STPG2: variants seen among roughly 807,000 people sequenced by gnomAD.
STPG2 encodes the protein sperm-tail PG-rich repeat-containing protein 2.
Under a neutral mutation model 54.2 loss-of-function variants are expected in STPG2, and 56 were observed. The ratio of observed to expected loss-of-function variants is 1.03; its 90% CI spans 0.83 to 1.29. The LOEUF is 1.29. Among genes scored for constraint, STPG2 ranks in the 50% most tolerant of loss-of-function variants. The pLI is 0.00. For synonymous variants in STPG2, 200 were observed against 181.8 expected (o/e 1.10, Z -0.81); for missense variants, 596 against 544.9 (o/e 1.09, Z -0.93).
intron 10 of STPG2, among the ~76,000 whole-genome samples, chr4:97,661,771 A>G (rs1311122318): frequency 6.6e-6 from 1 of 152,102 alleles, no homozygotes; most frequent in Non-Finnish European, 1.5e-5. Flanking sequence ...CTCTAGACTT[A>G]TGTTCCACAC....
rs1049365025 is a variant in STPG2, at chr4:97,688,524, G to A, written c.1320+24175C>T. Among the ~76,000 whole-genome samples the A allele has an allele frequency of 3.3e-5, 5 of 152,018 alleles. No homozygotes were observed. The East Asian group carries it at 5.8e-4, about 18-fold the overall frequency. On this transcript the variant is annotated intron_variant, in intron 10 of 10. Coordinates refer to ENST00000295268, the MANE Select transcript of STPG2 (RefSeq NM_174952.3). Reference sequence around the variant, plus strand: ...TGGGACTACAGGCACCCGCCACCATGCCCAGCTAATTTTTTTGTATTTTTA... The same window carrying A: ...TGGGACTACAGGCACCCGCCACCATACCCAGCTAATTTTTTTGTATTTTTA...
At chr4:97,614,493 AAC>A (rs1469988205) in intron 10 of STPG2, among the ~76,000 whole-genome samples, 1 of 152,058 alleles carries the variant, frequency 6.6e-6, no homozygotes, top group African/African-American at 2.4e-5. Context: ...ACTTTCTCGA[AAC>A]ACTCTCATAT....
intron 7 of STPG2, 119 bp from the exon 8 acceptor site, chr4:97,944,126 A>G (rs2149232696): frequency 3.1e-6 from 2 of 650,442 alleles, no homozygotes; most frequent in Non-Finnish European, 2.6e-6. Flanking sequence ...ATAAAGACAC[A>G]TATTCATAAA....
chr4:97,559,667 A>C (rs1263414392), intron 10 of STPG2, among the ~76,000 whole-genome samples: 1 of 152,174 alleles, frequency 6.6e-6, no homozygotes, highest in Admixed American at 6.6e-5. Context: ...CCAGAACATT[A>C]GTTATTTTGC....
At chr4:98,099,516 C>T (rs986280940) in intron 5 of STPG2, among the ~76,000 whole-genome samples, 3 of 151,532 alleles carry the variant, frequency 2.0e-5, no homozygotes, top group Admixed American at 6.6e-5. Context: ...TTACTGGGTA[C>T]GAAAAATAAA....
chr4:97,779,605 G>A (rs1726529329), intron 9 of STPG2, among the ~76,000 whole-genome samples: 2 of 152,020 alleles, frequency 1.3e-5, no homozygotes, highest in Non-Finnish European at 2.9e-5. Flanking sequence ...TCCTCAACAA[G>A]AGCAACTCCA....
In STPG2 at chr4:97,559,123, TAATAAG is replaced by T; in HGVS notation, c.1321-12_1321-7del. On this transcript the variant is annotated splice_polypyrimidine_tract_variant and splice_region_variant and intron_variant, in intron 10 of 10. Coordinates refer to ENST00000295268, the MANE Select transcript of STPG2 (RefSeq NM_174952.3). ...TTCTTTTTCTCCTGGGATATCTGTT[TAATAAG>T]AATGAGAAAAAAAGGAGGAAAACAT... 1 of 1,583,308 alleles carries T rather than the reference TAATAAG, an allele frequency of 6.3e-7. No individual in the cohort carries two copies. Among genetic ancestry groups the T allele is most frequent in the Non-Finnish European group, 8.6e-7 (1 of 1,164,048 alleles).
At chr4:97,967,927 C>A (rs915387859) in intron 7 of STPG2, among the ~76,000 whole-genome samples, 2 of 152,028 alleles carry the variant, frequency 1.3e-5, no homozygotes, top group Non-Finnish European at 2.9e-5. Context: ...AAAATCAACA[C>A]CCTAACATCA....
intron 8 of STPG2, among the ~76,000 whole-genome samples, chr4:97,875,889 T>C (rs1282163918): frequency 6.6e-6 from 1 of 151,956 alleles, no homozygotes; most frequent in East Asian, 1.9e-4. Flanking sequence ...TATTAAAGTG[T>C]TTGTGATGGG....
At chr4:97,712,673 C>A (rs367618327) in intron 10 of STPG2, 26 bp downstream of exon 10, 7 of 1,474,510 alleles carry the variant, frequency 4.7e-6, no homozygotes, top group Admixed American at 2.0e-5. Flanking sequence ...TCTTGTGTCA[C>A]TGTTAAGAAG....
chr4:97,579,381 G>A (rs759244381), intron 10 of STPG2, among the ~76,000 whole-genome samples: 4 of 151,804 alleles, frequency 2.6e-5, no homozygotes, highest in Non-Finnish European at 5.9e-5. Context: ...AATTTTCTAA[G>A]CATCTTAGAA....
intron 10 of STPG2, among the ~76,000 whole-genome samples, chr4:97,690,568 T>C (rs1452674855): frequency 6.6e-6 from 1 of 152,088 alleles, no homozygotes; most frequent in Non-Finnish European, 1.5e-5. Context: ...TAACCAGTAC[T>C]GAGAAAAGCA....
intron 10 of STPG2, among the ~76,000 whole-genome samples, chr4:97,684,304 G>C (rs1355974599): frequency 6.6e-6 from 1 of 151,826 alleles, no homozygotes; most frequent in Non-Finnish European, 1.5e-5. Flanking sequence ...TAAAGAAGTA[G>C]TCAGAGGACT....
At chr4:98,029,812 A>G (rs1291598519) in intron 5 of STPG2, among the ~76,000 whole-genome samples, 1 of 152,168 alleles carries the variant, frequency 6.6e-6, no homozygotes, top group Non-Finnish European at 1.5e-5. Context: ...GCCTGAACGT[A>G]CTATAGAGCT....
chr4:97,791,884 C>A (rs1727002092), intron 9 of STPG2, among the ~76,000 whole-genome samples: 1 of 150,086 alleles, frequency 6.7e-6, no homozygotes. Flanking sequence ...TGAGGAGAAA[C>A]AACATTTCCC....
chr4:98,066,049 T>C (rs1002422019), intron 5 of STPG2, among the ~76,000 whole-genome samples: 2 of 152,122 alleles, frequency 1.3e-5, no homozygotes, highest in South Asian at 2.1e-4. Flanking sequence ...AATATGTATA[T>C]TATATATACC....
intron 9 of STPG2, among the ~76,000 whole-genome samples, chr4:97,788,008 T>G (rs1325945602): frequency 6.6e-6 from 1 of 152,002 alleles, no homozygotes; most frequent in Non-Finnish European, 1.5e-5. Flanking sequence ...AAACACACAA[T>G]GTGTAATAAT....
At chr4:97,966,679 C>T (rs1262823840) in intron 7 of STPG2, among the ~76,000 whole-genome samples, 1 of 152,158 alleles carries the variant, frequency 6.6e-6, no homozygotes, top group Admixed American at 6.5e-5. Context: ...GATCTCTCAG[C>T]AGAAACCCTA....
chr4:97,778,245 A>G (rs1726448407), intron 9 of STPG2, among the ~76,000 whole-genome samples: 3 of 152,202 alleles, frequency 2.0e-5, no homozygotes, highest in Admixed American at 6.5e-5. Context: ...GGTCGTAGCA[A>G]AGGGCACAAG....
Sources: gnomAD v4.1 joint callset for allele counts (sites outside exome capture counted in the v4.1 genomes callset) on GRCh38, gnomAD v4.1.1 for gene constraint, MANE v1.5 for transcripts, NCBI Gene and HGNC (gene_info 2026-07-23, HGNC 2026-07-21) for gene names.